Variants in TTN observed in about 807,000 individuals in gnomAD.
TTN encodes the protein connectin.
TTN carries 1,525 observed loss-of-function variants against 3,223.0 expected under a neutral mutation model. The ratio of observed to expected loss-of-function variants is 0.47; its 90% confidence interval spans 0.45 to 0.49. The LOEUF is 0.49. Among genes scored for constraint, TTN ranks in the 20% least tolerant of loss-of-function variants. The pLI, the probability that TTN is intolerant of heterozygous loss-of-function variation, is 0.00. For missense variants in TTN, 40,786 were observed against 43,424.0 expected, an observed-to-expected ratio of 0.94 and a Z score of 5.40; for synonymous variants, 14,094 against 15,161.0, an observed-to-expected ratio of 0.93 and a Z score of 5.17.
rs1173509248 is a variant in TTN at position 178,556,648 on chromosome 2, T to G, written c.88306+200A>C. 6 of 610,030 alleles carry G rather than the reference T, an allele frequency of 9.8e-6. No homozygotes were observed. The Admixed American group carries it at 1.9e-4, about 19-fold the overall frequency. 37.8% of individuals were successfully genotyped at this position (610,030 alleles called of 1,614,324 possible). A position where few individuals can be genotyped will look rare whatever the true frequency, so the allele number is the denominator to read the frequency against. ...CCATAGATATCCTGAGGTCTAAATCTCTCACTTTACAGTCAAGTCAAGAGG... is the reference window on the plus strand; with the variant it reads ...CCATAGATATCCTGAGGTCTAAATCGCTCACTTTACAGTCAAGTCAAGAGG... On this transcript the variant is annotated intron_variant, in intron 330 of 362. Coordinates refer to ENST00000589042, the MANE Select transcript of TTN (RefSeq NM_001267550.2).
At chr2:178,782,692 C>T (rs757741282) in intron 18 of TTN, 90 bp from the exon 19 acceptor site, 46 of 1,603,832 alleles carry the variant, frequency 2.9e-5, no homozygotes, top group Non-Finnish European at 3.9e-5. Context: ...TAATCTCCCC[C>T]CAAGTTCCAA....
At chr2:178,794,069 C>G (rs1033260620) in intron 8 of TTN, among the ~76,000 whole-genome samples, 3 of 152,208 alleles carry the variant, frequency 2.0e-5, no homozygotes, top group Admixed American at 2.0e-4. Context: ...CCAGTGTGTG[C>G]AGTGACTGAG....
chr2:178,625,378 C>T lies in TTN; in HGVS notation c.44443G>A (p.Gly14815Arg), dbSNP rs371177020. Residue 14815 changes from glycine to arginine, a missense_variant, in exon 241 of 363, where the codon GGA becomes AGA. Gly to Arg is a moderately radical substitution (Grantham distance 125, BLOSUM62 -2). Coordinates refer to ENST00000589042, the MANE Select transcript of TTN (RefSeq NM_001267550.2). Reference protein sequence around the residue: ...PSDKVVPRSEGKVHTLTLRDV... With the variant: ...PSDKVVPRSERKVHTLTLRDV... The stretch of plus-strand genomic sequence containing the variant: ...CTCAGAGTAAGTGTATGAACTTTTC[C>T]TTCTGAACGTGGGACCACCTAGTTG... The T allele has an allele frequency of 6.3e-7, 1 of 1,580,294 alleles. No individual in the cohort carries two copies. The highest frequency in any genetic ancestry group is 1.4e-5 in the African/African-American group (1 of 72,600).
In TTN at chr2:178,634,901, G is replaced by A; in HGVS notation, c.42025-52C>T. Reference sequence around the variant, plus strand: ...TTTGAAAGAGATAAATTCCCTATAGGAGAAGTGTTTCAGATACAAATTTCT... The same window carrying A: ...TTTGAAAGAGATAAATTCCCTATAGAAGAAGTGTTTCAGATACAAATTTCT... On this transcript the variant is annotated intron_variant, in intron 228 of 362. Transcript: ENST00000589042. This position sits in a 1 kb window ranked among gnomAD's most constrained non-coding sequence, Gnocchi z 4.6. 6.4e-7 allele frequency: 1 copy of A among 1,561,512 alleles called. No individual in the cohort carries two copies. The highest frequency in any genetic ancestry group is 8.6e-7 in the Non-Finnish European group (1 of 1,160,476).
intron 6 of TTN, 134 bp downstream of exon 6, chr2:178,799,353 T>C: frequency 1.4e-6 from 2 of 1,387,426 alleles, no homozygotes; most frequent in Non-Finnish European, 2.0e-6. Flanking sequence ...CCCTAGAGGT[T>C]TGAGCAGCGG....
Position 178,536,501 on chromosome 2 carries a change from G to A in TTN, c.100246C>T (p.Pro33416Ser). 6.4e-7 allele frequency: 1 copy of A among 1,561,914 alleles called. No individual in the cohort carries two copies. The highest frequency in any genetic ancestry group is 1.2e-5 in the South Asian group (1 of 80,076). Residue 33416 changes from proline (P) to serine (S), a missense_variant, in exon 357 of 363, where the codon CCT becomes TCT. Transcript: ENST00000589042. ...KDSCVVAWKP[P>S]ASDGGAKIRN... ...ATCTTTGCACCTCCATCACTGGCAGGTGGCTTCCAGGCCACAACACAAGAA... is the reference window on the plus strand; with the variant it reads ...ATCTTTGCACCTCCATCACTGGCAGATGGCTTCCAGGCCACAACACAAGAA...
rs755183656 is a variant in TTN at position 178,551,065 on chromosome 2, C to A, written c.91466G>T (p.Gly30489Val). Residue 30489 changes from glycine (G) to valine (V), a missense_variant, in exon 336 of 363, where the codon GGG becomes GTG. By Grantham distance (109) the Gly-to-Val change is moderately radical (BLOSUM62 -3). Coordinates refer to ENST00000589042, the MANE Select transcript of TTN (RefSeq NM_001267550.2). ...CQYTVTGLSP[G>V]DRYEFRIIAR... The stretch of plus-strand genomic sequence containing the variant: ...AATTATTCTGAACTCATAGCGATCC[C>A]CAGGACTGAGTCCTGTAACTGTGTA... 2 of 1,613,234 alleles carry A rather than the reference C, an allele frequency of 1.2e-6. No homozygotes were observed. Among genetic ancestry groups the A allele is most frequent in the African/African-American group, 2.7e-5 (2 of 74,872 alleles).
At chr2:178,720,333 C>G in intron 80 of TTN, 52 bp downstream of exon 80, 1 of 1,591,534 alleles carries the variant, frequency 6.3e-7, no homozygotes, top group Non-Finnish European at 8.6e-7. Context: ...ATTAGTTAGG[C>G]AAGAACAGAT....
intron 47 of TTN, chr2:178,749,856 T>G (rs1340837317): frequency 1.2e-6 from 2 of 1,613,016 alleles, no homozygotes. Context: ...TCACCAGATA[T>G]TAAACATTCA....
rs771323245 is a variant in TTN, at chr2:178,539,400, T to C, written c.98665A>G (p.Thr32889Ala). 1.2e-6 allele frequency: 2 copies of C among 1,611,778 alleles called. No individual in the cohort carries two copies. The highest frequency in any genetic ancestry group is 2.2e-5 in the East Asian group (1 of 44,830). ...CACTTACTCAATGGTGTTTTTGGTGTGACTGGTTCCTCAGATTTCAAGGGT... is the reference window on the plus strand; with the variant it reads ...CACTTACTCAATGGTGTTTTTGGTGCGACTGGTTCCTCAGATTTCAAGGGT... Reference protein sequence around the residue: ...SKPLKSEEPVTPKTPLNPPEP... With the variant: ...SKPLKSEEPVAPKTPLNPPEP... Residue 32889 changes from threonine to alanine, a missense_variant, in exon 352 of 363, where the codon ACA becomes GCA. Physicochemically the swap from Thr to Ala is moderately conservative, Grantham distance 58 (BLOSUM62 0). Coordinates refer to ENST00000589042, the MANE Select transcript of TTN (RefSeq NM_001267550.2).
intron 303 of TTN, 29 bp downstream of exon 303, chr2:178,591,566 GAAAT>G: frequency 1.3e-6 from 2 of 1,593,686 alleles, no homozygotes; most frequent in Non-Finnish European, 1.7e-6. Flanking sequence ...ATTTTAAAAA[GAAAT>G]AAGGTAATAC....
At position 178,681,684 on chromosome 2, in the gene TTN, T is replaced by G. The variant is rs771974545; in HGVS notation, c.33149A>C (p.Lys11050Thr). The change falls in exon 136 of 363, where the codon AAA becomes ACA. Residue 11050 changes from lysine (K) to threonine (T), a missense_variant. By Grantham distance (78) the Lys-to-Thr change is moderately conservative. Coordinates refer to ENST00000589042, the MANE Select transcript of TTN (RefSeq NM_001267550.2). ...ACCTTTAGCCGGTGGGGCCTTTGGT[T>G]TTGTGGGAACTGGTTCTTCTGGGAC... ...KPVPEEPVPTKPKAPPAKVLK... is the reference protein window; with the variant it reads ...KPVPEEPVPTTPKAPPAKVLK... The G allele has an allele frequency of 6.2e-7, 1 of 1,605,780 alleles. No homozygotes were observed. Among genetic ancestry groups the G allele is most frequent in the Non-Finnish European group, 8.5e-7 (1 of 1,177,802 alleles).
At chr2:178,681,851 G>A (rs932368224) in intron 135 of TTN, 113 bp from the exon 136 acceptor site, 2 of 845,842 alleles carry the variant, frequency 2.4e-6, no homozygotes, top group Non-Finnish European at 3.5e-6. Context: ...TATAGCCATA[G>A]CCTATTGAAG....
At chr2:178,599,884 A>T in intron 288 of TTN, 34 bp from the exon 289 acceptor site, 1 of 1,520,120 alleles carries the variant, frequency 6.6e-7, no homozygotes, top group Non-Finnish European at 8.8e-7. Flanking sequence ...CATTAGGAGC[A>T]AAAAGCATTG....
In TTN at chr2:178,621,925, G is replaced by A; in HGVS notation, c.44997C>T (p.Val14999=). 1 of 1,612,000 alleles carries A rather than the reference G, an allele frequency of 6.2e-7. No individual in the cohort carries two copies. The highest frequency in any genetic ancestry group is 2.2e-5 in the East Asian group (1 of 44,550). Residue 14999 remains valine (V), a synonymous_variant, in exon 244 of 363, where the codon GTC becomes GTT. Transcript: ENST00000589042. The part of the protein sequence containing the change: ...IISKGAVRIL[V]INKCLLDDEA... ...CATCATCCAGTAGACATTTGTTGAT[G>A]ACAAGAATGCGCACTGCTCCCTTGG...
chr2:178,790,776 C>T lies in TTN; in HGVS notation c.1732G>A (p.Glu578Lys). The change falls in exon 11 of 363, where the codon GAA becomes AAA. Residue 578 changes from glutamate (E) to lysine (K), a missense_variant. Physicochemically the swap from Glu to Lys is moderately conservative, Grantham distance 56. Transcript: ENST00000589042. ...TCTTCTTGAGCTCCCGGGACTGTTT[C>T]TAGTTTTGTGGACTTTGCAGTGGCA... ...VVATAKSTKL[E>K]TVPGAQEETT... 1 of 1,614,124 alleles carries T rather than the reference C, an allele frequency of 6.2e-7. No homozygotes were observed. Among genetic ancestry groups the T allele is most frequent in the East Asian group, 2.2e-5 (1 of 44,868 alleles).
chr2:178,612,481 G>T lies in TTN; in HGVS notation c.50044C>A (p.Pro16682Thr), dbSNP rs1231714517. ...WTVPEKDGGSPITNYIVEKRD... is the reference protein window; with the variant it reads ...WTVPEKDGGSTITNYIVEKRD... ...TTTTCCACAATGTAGTTGGTGATGG[G>T]GGACCCTCCATCTTTCTCAGGAACT... Residue 16682 changes from proline (P) to threonine (T), a missense_variant, in exon 266 of 363, where the codon CCC becomes ACC. Physicochemically the swap from Pro to Thr is conservative, Grantham distance 38 (BLOSUM62 -1). Coordinates refer to ENST00000589042, the MANE Select transcript of TTN (RefSeq NM_001267550.2). 6.2e-7 allele frequency: 1 copy of T among 1,612,162 alleles called. No individual in the cohort carries two copies. The highest frequency in any genetic ancestry group is 8.5e-7 in the Non-Finnish European group (1 of 1,179,128).
chr2:178,640,488 A>G, intron 221 of TTN, 53 bp downstream of exon 221: 2 of 1,453,682 alleles, frequency 1.4e-6, no homozygotes, highest in Admixed American at 1.8e-5. Flanking sequence ...GATATTTTAA[A>G]TGATACATAT....
intron 137 of TTN, 60 bp from the exon 138 acceptor site, chr2:178,681,231 A>T (rs1306387345): frequency 1.3e-6 from 2 of 1,489,410 alleles, no homozygotes; most frequent in African/African-American, 2.8e-5. Flanking sequence ...CTATGTAATA[A>T]ATACACATAA....
Sources: allele counts gnomAD v4.1 joint callset (sites outside exome capture counted in the v4.1 genomes callset), GRCh38; gene constraint gnomAD v4.1.1; non-coding constraint Gnocchi (gnomAD v3.1); transcripts MANE v1.5; gene names NCBI Gene and HGNC (gene_info 2026-07-23, HGNC 2026-07-21).